Variants in PPM1B observed in about 807,000 individuals in gnomAD.
PPM1B encodes the protein protein phosphatase 1B.
A neutral mutation model predicts 43.0 loss-of-function variants in PPM1B; 22 were observed. The observed-to-expected ratio is 0.51, with a 90% CI of 0.37 to 0.73. PPM1B has a LOEUF of 0.73. Ranked by LOEUF, PPM1B falls within the 30% of genes least tolerant of loss-of-function variation. The pLI is 0.00. For missense variants in PPM1B, 632 were observed against 584.2 expected (o/e 1.08, Z -0.84); for synonymous variants, 217 against 197.9 (o/e 1.10, Z -0.81).
In PPM1B at chr2:44,169,139, C is replaced by T. The variant is rs866439712; in HGVS notation, c.-150C>T. Reference sequence around the variant, plus strand: ...TGAGGGGCCGGGCGGTGTAAACAGCCCCGGAGGCGGCGGTCGAGACCCCGA... The same window carrying T: ...TGAGGGGCCGGGCGGTGTAAACAGCTCCGGAGGCGGCGGTCGAGACCCCGA... On this transcript the variant is annotated 5_prime_UTR_variant, in exon 1 of 6. Transcript: ENST00000282412. The T allele has an allele frequency of 1.7e-5, 1 of 59,070 alleles. No homozygotes were observed. The highest frequency in any genetic ancestry group is 9.3e-5 in the African/African-American group (1 of 10,786). 3.7% of individuals were successfully genotyped at this position (59,070 alleles called of 1,614,324 possible).
At chr2:44,225,992 T>G (rs1163253645) in intron 5 of PPM1B, among the ~76,000 whole-genome samples, 3 of 150,978 alleles carry the variant, frequency 2.0e-5, no homozygotes, top group Admixed American at 6.6e-5. Flanking sequence ...TTTTTTTTTT[T>G]TGAGAGAGAG....
Position 44,230,665 on chromosome 2 carries a change from T to G in PPM1B, c.1387T>G (p.Leu463Val), listed in dbSNP as rs371290692. The G allele has an allele frequency of 6.2e-7, 1 of 1,614,030 alleles. No individual in the cohort carries two copies. The highest frequency in any genetic ancestry group is 1.3e-5 in the African/African-American group (1 of 74,928). The change falls in exon 6 of 6, where the codon TTA (leucine) becomes GTA (valine). Residue 463 changes from leucine (L) to valine (V), a missense_variant. By Grantham distance (32) the Leu-to-Val change is conservative. Transcript: ENST00000282412. ...HTESESGLAE[L>V]DSSNEDAGTK... ...TGAATCAGAAAGTGGTCTTGCTGAA[T>G]TAGACAGCTCTAATGAAGATGCAGG...
In PPM1B at chr2:44,231,300, C is replaced by T; in HGVS notation, c.*582C>T. ...GGATGTGTGGCTATTTTTCCTTTCT[C>T]TGTATTCTTTATGAAACATAACTTT... is the stretch of plus-strand genomic sequence containing the variant. On this transcript the variant is annotated 3_prime_UTR_variant, in exon 6 of 6. Transcript: ENST00000282412. The T allele has an allele frequency of 4.1e-6, 4 of 979,838 alleles. No individual in the cohort carries two copies. Among genetic ancestry groups the T allele is most frequent in the Non-Finnish European group, 4.8e-6 (4 of 824,930 alleles). 60.7% of individuals were successfully genotyped at this position (979,838 alleles called of 1,614,324 possible).
chr2:44,198,733 A>C, intron 1 of PPM1B, among the ~76,000 whole-genome samples: 1 of 152,140 alleles, frequency 6.6e-6, no homozygotes, highest in East Asian at 1.9e-4. Flanking sequence ...TTGTCTCTGC[A>C]GGGGCTTGGT....
At position 44,202,072 on chromosome 2, in the gene PPM1B, T is replaced by C. The variant is rs761334488; in HGVS notation, c.846+27T>C. 3.4e-6 allele frequency: 5 copies of C among 1,480,254 alleles called. No homozygotes were observed. The East Asian group carries it at 9.3e-5, about 28-fold the overall frequency. The allele number at this position is 1,480,254 out of a possible 1,614,324, so 91.7% of individuals were successfully genotyped here. A position where few individuals can be genotyped will look rare whatever the true frequency, so the allele number is the denominator to read the frequency against. On this transcript the variant is annotated intron_variant, in intron 2 of 5. Transcript: ENST00000282412. The stretch of plus-strand genomic sequence containing the variant: ...TATGTAAACTTTTTTGTCATTAAAA[T>C]AACATGTTAATTTTGAAAAGTTACG...
At chr2:44,177,761 G>A (rs887289557) in intron 1 of PPM1B, among the ~76,000 whole-genome samples, 1 of 151,558 alleles carries the variant, frequency 6.6e-6, no homozygotes, top group African/African-American at 2.4e-5. Context: ...TGTTTTAAGA[G>A]GTGTATGTAC....
intron 1 of PPM1B, among the ~76,000 whole-genome samples, chr2:44,197,925 C>A (rs1433687762): frequency 1.3e-5 from 2 of 152,056 alleles, no homozygotes; most frequent in East Asian, 1.9e-4. Context: ...CTTTTCTAGT[C>A]GAAAGAGCAA....
chr2:44,192,283 TCTCGG>T (rs1668445439), intron 1 of PPM1B, among the ~76,000 whole-genome samples: 1 of 152,072 alleles, frequency 6.6e-6, no homozygotes. Context: ...AGTGGCACGA[TCTCGG>T]CTCACTGCAA....
downstream of PPM1B, chr2:44,234,394 C>G: frequency 2.0e-6 from 1 of 500,524 alleles, no homozygotes. Context: ...TGGTGCTTGC[C>G]TGTAATCCCA....
At chr2:44,244,435 GAGA>G (rs761599742), downstream of PPM1B, 14 of 1,146,104 alleles carry the variant, frequency 1.2e-5, no homozygotes, top group African/African-American at 1.6e-5. Flanking sequence ...AGTGGAGACA[GAGA>G]AGGACTGTCA....
chr2:44,239,981 C>G (rs565939469), intron 5 of PPM1B, among the ~76,000 whole-genome samples: 1 of 112,392 alleles, frequency 8.9e-6, no homozygotes, highest in East Asian at 2.8e-4. Context: ...AGCAGGTATA[C>G]ATTGTCTTCA....
rs75648597 is a variant in PPM1B, at chr2:44,212,628, A to G, written c.964+3301A>G. Among the ~76,000 whole-genome samples, 217 of 151,084 alleles carry G rather than the reference A, an allele frequency of 1.4e-3. 3 individuals carry two copies. The East Asian group carries it at 0.027, about 19-fold the overall frequency. ...ATCTGCCGTCTTTCGTGTTTCATCT[A>G]TTTTTTTTTATCCTCCATTCTTGCC... On this transcript the variant is annotated intron_variant, in intron 3 of 5. Transcript: ENST00000282412.
intron 1 of PPM1B, among the ~76,000 whole-genome samples, chr2:44,188,703 C>A (rs956620095): frequency 1.3e-5 from 2 of 151,494 alleles, no homozygotes; most frequent in Non-Finnish European, 2.9e-5. Flanking sequence ...GTTTGCCTGC[C>A]TGCCTGCCTG....
chr2:44,242,421 A>C (rs561407871), intron 5 of PPM1B, among the ~76,000 whole-genome samples: 101 of 152,316 alleles, frequency 6.6e-4, no homozygotes, highest in Non-Finnish European at 1.0e-3. Flanking sequence ...AAGATGTCAA[A>C]ATGTGAAATC....
In PPM1B at chr2:44,201,777, A is replaced by T. The variant is rs1393622895; in HGVS notation, c.578A>T (p.Asn193Ile). The part of the protein sequence containing the change: ...AGGSVMIQRV[N>I]GSLAVSRALG... ...GGCAGCGTGATGATACAACGTGTTA[A>T]TGGTTCATTAGCAGTATCTCGTGCT... The change falls in exon 2 of 6, where the codon AAT becomes ATT. Residue 193 changes from asparagine (N) to isoleucine (I), a missense_variant. Coordinates refer to ENST00000282412, the MANE Select transcript of PPM1B (RefSeq NM_002706.6). The surrounding 1 kb of genome is among the most constrained non-coding windows in gnomAD (Gnocchi z 5.4). 6.2e-7 allele frequency: 1 copy of T among 1,614,212 alleles called. No homozygotes were observed. The highest frequency in any genetic ancestry group is 8.5e-7 in the Non-Finnish European group (1 of 1,180,008).
intron 5 of PPM1B, among the ~76,000 whole-genome samples, chr2:44,223,832 AAAAAAAAAAAAAGAG>A (rs1427693934): frequency 6.7e-6 from 1 of 148,738 alleles, no homozygotes; most frequent in Admixed American, 6.7e-5. Context: ...AAAAAAAAAA[AAAAAAAAAAAAAGAG>A]AGAGAGAGAG....
In PPM1B at chr2:44,212,388, C is replaced by G. The variant is rs140039867; in HGVS notation, c.964+3061C>G. ...CTCCAAATTGCCCATCCCAGTTCAC[C>G]CTATAGCCATCCTAAAGCTATGCTT... On this transcript the variant is annotated intron_variant, in intron 3 of 5. Coordinates refer to ENST00000282412, the MANE Select transcript of PPM1B (RefSeq NM_002706.6). 5.9e-3 allele frequency among the ~76,000 whole-genome samples: 901 copies of G among 152,258 alleles called. 9 individuals are homozygous for G. The highest frequency in any genetic ancestry group is 0.02 in the African/African-American group (849 of 41,540).
At position 44,170,020 on chromosome 2, in the gene PPM1B, T is replaced by C. The variant is rs551644953; in HGVS notation, c.-15+746T>C. ...GCCTAACAACCTTGAAAAAATTGTA[T>C]TATTAAACGTAAAGTGTGAAAATAA... On this transcript the variant is annotated intron_variant, in intron 1 of 5. Coordinates refer to ENST00000282412, the MANE Select transcript of PPM1B (RefSeq NM_002706.6). 1.0e-3 allele frequency among the ~76,000 whole-genome samples: 159 copies of C among 152,332 alleles called. 1 individual carries two copies. The South Asian group carries it at 0.019, about 19-fold the overall frequency.
intron 5 of PPM1B, among the ~76,000 whole-genome samples, chr2:44,222,828 A>C (rs968859921): frequency 6.6e-6 from 1 of 152,080 alleles, no homozygotes; most frequent in African/African-American, 2.4e-5. Context: ...ATCAGTCTTA[A>C]GATACTCTAT....
Sources: gnomAD v4.1 joint callset for allele counts (sites outside exome capture counted in the v4.1 genomes callset) on GRCh38, gnomAD v4.1.1 for gene constraint, Gnocchi (gnomAD v3.1) non-coding constraint, MANE v1.5 for transcripts, NCBI Gene and HGNC (gene_info 2026-07-23, HGNC 2026-07-21) for gene names.